The following LIMS1 variants were observed in gnomAD, a reference collection of about 807,000 sequenced individuals.
LIMS1 encodes the protein LIM zinc finger domain containing 1.
A neutral mutation model predicts 44.1 loss-of-function variants in LIMS1; 18 were observed. The observed-to-expected ratio is 0.41, with a 90% CI of 0.28 to 0.61. The LOEUF (loss-of-function observed/expected upper bound fraction) is 0.61, where lower values mean the gene tolerates loss of function less well. Among genes scored for constraint, LIMS1 ranks in the 20% least tolerant of loss-of-function variants. LIMS1 has a pLI of 0.32. For missense variants in LIMS1, 201 were observed against 422.0 expected, an observed-to-expected ratio of 0.48 and a Z score of 4.59; for synonymous variants, 93 against 149.1, an observed-to-expected ratio of 0.62 and a Z score of 2.74.
At chr2:108,569,230 C>G (rs1202890017) in intron 1 of LIMS1, among the ~76,000 whole-genome samples, 1 of 152,106 alleles carries the variant, frequency 6.6e-6, no homozygotes, top group African/African-American at 2.4e-5. Context: ...TTCATATATT[C>G]TGGATATTAA....
chr2:108,590,149 A>G (rs1686308122), intron 1 of LIMS1, among the ~76,000 whole-genome samples: 1 of 152,250 alleles, frequency 6.6e-6, no homozygotes, highest in Admixed American at 6.5e-5. Context: ...ATGTATTTGC[A>G]AAAGCATTGA....
intron 1 of LIMS1, chr2:108,588,592 G>C: frequency 1.0e-6 from 1 of 985,454 alleles, no homozygotes; most frequent in Non-Finnish European, 1.2e-6. Flanking sequence ...TTTAAGAGAA[G>C]AAATGGACAT....
rs1252101487 is a variant in LIMS1, at chr2:108,611,592, G to A, written c.33-48013G>A. ...GTGTTTTGATCAATCAAAAATATTGGCTCTAGGCTGGGTGCAGTAGCTCAC... is the reference window on the plus strand; with the variant it reads ...GTGTTTTGATCAATCAAAAATATTGACTCTAGGCTGGGTGCAGTAGCTCAC... On this transcript the variant is annotated intron_variant, in intron 1 of 9. Transcript: ENST00000544547. Among the ~76,000 whole-genome samples the A allele has an allele frequency of 2.6e-5, 4 of 152,088 alleles. No individual in the cohort carries two copies. In the East Asian group the frequency reaches 7.7e-4, roughly 29 times the overall value.
At chr2:108,648,757 T>A (rs1219140515) in intron 1 of LIMS1, among the ~76,000 whole-genome samples, 1 of 152,152 alleles carries the variant, frequency 6.6e-6, no homozygotes, top group Non-Finnish European at 1.5e-5. Context: ...TAATAAATGG[T>A]GTTGGGAAAA....
chr2:108,683,295 C>A (rs1160607081), intron 9 of LIMS1, among the ~76,000 whole-genome samples: 2 of 152,052 alleles, frequency 1.3e-5, no homozygotes, highest in Non-Finnish European at 2.9e-5. Flanking sequence ...AAATATGATT[C>A]TTTCCTTTAG....
intron 7 of LIMS1, among the ~76,000 whole-genome samples, chr2:108,677,738 A>T (rs573490790): frequency 7.3e-4 from 111 of 152,294 alleles, no homozygotes; most frequent in Non-Finnish European, 1.2e-3. Flanking sequence ...ATATGGACTC[A>T]CAGATTTCTA....
intron 1 of LIMS1, among the ~76,000 whole-genome samples, chr2:108,631,355 A>G (rs1688911310): frequency 6.6e-6 from 1 of 152,204 alleles, no homozygotes; most frequent in Non-Finnish European, 1.5e-5. Flanking sequence ...TGACTTCTGC[A>G]AGTCAGTTAT....
chr2:108,593,486 C>A (rs1248336148), intron 1 of LIMS1, among the ~76,000 whole-genome samples: 1 of 152,208 alleles, frequency 6.6e-6, no homozygotes, highest in Non-Finnish European at 1.5e-5. Flanking sequence ...CCTGGAGTTG[C>A]TGTCTTTGTG....
chr2:108,608,340 C>G (rs970494914), intron 1 of LIMS1, among the ~76,000 whole-genome samples: 1 of 148,004 alleles, frequency 6.8e-6, no homozygotes, highest in African/African-American at 2.5e-5. Context: ...GTGTCTCGCT[C>G]TGTCACTCAG....
intron 1 of LIMS1, among the ~76,000 whole-genome samples, chr2:108,590,712 C>T (rs1308317291): frequency 1.3e-5 from 2 of 152,188 alleles, no homozygotes; most frequent in East Asian, 1.9e-4. Context: ...CAAAGGTTTG[C>T]AGGTCAGTGT....
chr2:108,568,835 A>G (rs1685384083), intron 1 of LIMS1, among the ~76,000 whole-genome samples: 1 of 152,078 alleles, frequency 6.6e-6, no homozygotes, highest in Non-Finnish European at 1.5e-5. Flanking sequence ...TCATCTTTGG[A>G]AAAAAGTCTG....
At chr2:108,685,550 C>A (rs1465947475) in exon 10 of LIMS1, 1 of 152,118 alleles carries the variant, frequency 6.6e-6, no homozygotes, top group East Asian at 1.9e-4. Flanking sequence ...TGTGCATGTA[C>A]TTTATGGAGT....
intron 1 of LIMS1, among the ~76,000 whole-genome samples, chr2:108,564,456 T>C (rs535750219): frequency 6.6e-6 from 1 of 152,248 alleles, no homozygotes; most frequent in African/African-American, 2.4e-5. Context: ...TATGCCTGTA[T>C]AGAGATAGAT....
rs1015033616 is a variant in LIMS1 at position 108,534,431 on chromosome 2, G to T, written c.-132G>T. ...CCCCCTCCCGCGCCCCCGCGCGGCC[G>T]GCCCCTGGCCTTCCTCCCCTTCCTG... On this transcript the variant is annotated 5_prime_UTR_variant, in exon 1 of 10. Coordinates refer to ENST00000544547, the Ensembl canonical transcript of LIMS1. The T allele has an allele frequency of 1.1e-4, 67 of 611,176 alleles. No individual in the cohort carries two copies. The African/African-American group carries it at 1.3e-3, about 12-fold the overall frequency. 37.9% of individuals were successfully genotyped at this position (611,176 alleles called of 1,614,324 possible).
chr2:108,640,846 A>G (rs1689623678), intron 1 of LIMS1, among the ~76,000 whole-genome samples: 1 of 152,152 alleles, frequency 6.6e-6, no homozygotes, highest in African/African-American at 2.4e-5. Flanking sequence ...TATTGTTAAC[A>G]TTAGTCACCC....
intron 1 of LIMS1, among the ~76,000 whole-genome samples, chr2:108,639,322 G>A (rs899090950): frequency 2.6e-5 from 4 of 152,214 alleles, no homozygotes; most frequent in Non-Finnish European, 4.4e-5. Flanking sequence ...TATTCATCCA[G>A]AAAATCGTAT....
chr2:108,602,737 A>G (rs1687078394), intron 1 of LIMS1, among the ~76,000 whole-genome samples: 1 of 152,198 alleles, frequency 6.6e-6, no homozygotes, highest in Non-Finnish European at 1.5e-5. Context: ...ATCAAAATTC[A>G]TCAGAGATAT....
chr2:108,623,449 A>G (rs1688374415), intron 1 of LIMS1, among the ~76,000 whole-genome samples: 1 of 151,988 alleles, frequency 6.6e-6, no homozygotes, highest in Non-Finnish European at 1.5e-5. Context: ...CTATTATTGA[A>G]CATTATTTAC....
At chr2:108,571,027 T>C (rs1183241271) in intron 1 of LIMS1, among the ~76,000 whole-genome samples, 3 of 152,240 alleles carry the variant, frequency 2.0e-5, no homozygotes, top group Non-Finnish European at 4.4e-5. Context: ...CATTAATCAG[T>C]TACAGAAATC....
Sources: allele counts gnomAD v4.1 joint callset (sites outside exome capture counted in the v4.1 genomes callset), GRCh38; gene constraint gnomAD v4.1.1; transcripts MANE v1.5; gene names NCBI Gene and HGNC (gene_info 2026-07-23, HGNC 2026-07-21).